ABHD2: variants seen among roughly 807,000 people sequenced by gnomAD.
ABHD2 encodes monoacylglycerol lipase ABHD2.
ABHD2 carries 20 observed loss-of-function variants against 48.1 expected under a neutral mutation model. That is an observed-to-expected ratio of 0.42 (90% CI 0.29 to 0.60). The LOEUF (loss-of-function observed/expected upper bound fraction) is 0.60. ABHD2 is among the 20% of genes least tolerant of loss of function. The pLI is 0.24. For synonymous variants in ABHD2, 209 were observed against 214.2 expected (o/e 0.98, Z 0.21); for missense variants, 405 against 550.9 (o/e 0.74, Z 2.65).
rs1253604711 is a variant in ABHD2 at position 89,114,644 on chromosome 15, G to A, written c.-7+820G>A. Among the ~76,000 whole-genome samples the A allele has an allele frequency of 5.3e-5, 8 of 151,958 alleles. No individual in the cohort carries two copies. The highest frequency in any genetic ancestry group is 9.7e-5 in the African/African-American group (4 of 41,372). ...ATTACAGGCATGTGCCACCACGCCC[G>A]GCAAATTTTTGTATTTTTGGTAGAG... On this transcript the variant is annotated intron_variant, in intron 2 of 10. Coordinates refer to ENST00000352732, the MANE Select transcript of ABHD2 (RefSeq NM_152924.5). This position sits in a 1 kb window ranked among gnomAD's most constrained non-coding sequence, Gnocchi z 4.2.
rs1019374414 is a variant in ABHD2 at position 89,116,118 on chromosome 15, A to C, written c.-6-204A>C. ...CAGTACCCAGTTTATCCATGCTCAGACTGTTTGTGATTTGGATTATGGCCA... is the reference window on the plus strand; with the variant it reads ...CAGTACCCAGTTTATCCATGCTCAGCCTGTTTGTGATTTGGATTATGGCCA... On this transcript the variant is annotated intron_variant, in intron 2 of 10. Transcript: ENST00000352732. The surrounding 1 kb of genome is among the most constrained non-coding windows in gnomAD (Gnocchi z 4.6). Among the ~76,000 whole-genome samples, 6 of 152,174 alleles carry C rather than the reference A, an allele frequency of 3.9e-5. No homozygotes were observed. The highest frequency in any genetic ancestry group is 1.4e-4 in the African/African-American group (6 of 41,436).
At position 89,167,519 on chromosome 15, in the gene ABHD2, A is replaced by G. The variant is rs1458464172; in HGVS notation, c.539-8293A>G. On this transcript the variant is annotated intron_variant, in intron 5 of 10. Coordinates refer to ENST00000352732, the MANE Select transcript of ABHD2 (RefSeq NM_152924.5). The surrounding 1 kb of genome is among the most constrained non-coding windows in gnomAD (Gnocchi z 5.5). ...TATCCAAAGCAGAACAGTGGCCAAG[A>G]GTGGTGAGTTCTGCACTTTCAGGAT... 6.6e-6 allele frequency among the ~76,000 whole-genome samples: 1 copy of G among 152,230 alleles called. No individual in the cohort carries two copies. The highest frequency in any genetic ancestry group is 1.5e-5 in the Non-Finnish European group (1 of 68,044).
In ABHD2 at chr15:89,201,685, G is replaced by T; in HGVS notation, c.*6262G>T. Reference sequence around the variant, plus strand: ...CACACTTTTCTATCCGATGGATTTCGCAATTTAAGATTTGTAGTGACTACA... The same window carrying T: ...CACACTTTTCTATCCGATGGATTTCTCAATTTAAGATTTGTAGTGACTACA... On this transcript the variant is annotated 3_prime_UTR_variant, in exon 11 of 11. Transcript: ENST00000352732. 4.4e-6 allele frequency: 7 copies of T among 1,608,468 alleles called. No individual in the cohort carries two copies. Among genetic ancestry groups the T allele is most frequent in the Non-Finnish European group, 5.1e-6 (6 of 1,174,892 alleles).
At chr15:89,121,532 CAG>C (rs2050051255) in intron 3 of ABHD2, among the ~76,000 whole-genome samples, 1 of 151,706 alleles carries the variant, frequency 6.6e-6, no homozygotes, top group Non-Finnish European at 1.5e-5. Flanking sequence ...GTATATAGCT[CAG>C]GGGCTTTGTG....
At position 89,168,435 on chromosome 15, in the gene ABHD2, G is replaced by GTGTT. The variant is rs569619673; in HGVS notation, c.539-7374_539-7371dup. On this transcript the variant is annotated intron_variant, in intron 5 of 10. Transcript: ENST00000352732. The surrounding 1 kb of genome is among the most constrained non-coding windows in gnomAD (Gnocchi z 4.8). ...CAGGGAGAGGCCCCAGGCACTAAAG[G>GTGTT]TGTTTGGTAACTGACATCAGGGGAG... Among the ~76,000 whole-genome samples, 19 of 152,322 alleles carry GTGTT rather than the reference G, an allele frequency of 1.2e-4. No homozygotes were observed. The East Asian group carries it at 2.7e-3, about 22-fold the overall frequency.
Position 89,088,865 on chromosome 15 carries a change from TG to T in ABHD2, c.-107+305del, listed in dbSNP as rs1901473355. 6.6e-6 allele frequency among the ~76,000 whole-genome samples: 1 copy of T among 152,160 alleles called. No individual in the cohort carries two copies. The highest frequency in any genetic ancestry group is 1.5e-5 in the Non-Finnish European group (1 of 68,018). Reference sequence around the variant, plus strand: ...CCTTTCCCCCATTGGTGCTCACTCCTGGGTCTTCAGGGGCCTGGGGAGGGGT... The same window carrying T: ...CCTTTCCCCCATTGGTGCTCACTCCTGGTCTTCAGGGGCCTGGGGAGGGGT... On this transcript the variant is annotated intron_variant, in intron 1 of 10. Transcript: ENST00000352732. The surrounding 1 kb of genome is among the most constrained non-coding windows in gnomAD (Gnocchi z 6.8).
rs149549561 is a variant in ABHD2 at position 89,201,720 on chromosome 15, G to C, written c.*6297G>C. The C allele has an allele frequency of 1.2e-6, 2 of 1,604,738 alleles. No homozygotes were observed. The highest frequency in any genetic ancestry group is 2.2e-5 in the East Asian group (1 of 44,840). ...ATTTGTAGTGACTACATCTGTGAAG[G>C]GGCCTTTGAATTTGAGGTCTATGGG... is the stretch of plus-strand genomic sequence containing the variant. On this transcript the variant is annotated 3_prime_UTR_variant, in exon 11 of 11. Coordinates refer to ENST00000352732, the MANE Select transcript of ABHD2 (RefSeq NM_152924.5).
the ABHD2 span, among the ~76,000 whole-genome samples, chr15:89,065,344 G>A: frequency 2.6e-5 from 4 of 152,130 alleles, no homozygotes; most frequent in African/African-American, 7.2e-5. Flanking sequence ...TTAATTAAGG[G>A]TGTAGAATAA....
chr15:89,046,447 G>T, the ABHD2 span, among the ~76,000 whole-genome samples: 2 of 151,674 alleles, frequency 1.3e-5, no homozygotes. Flanking sequence ...TTTTTCTATT[G>T]ATTGGAATAG....
chr15:89,195,089 C>G lies in ABHD2; in HGVS notation c.1082-138C>G. On this transcript the variant is annotated intron_variant, in intron 10 of 10. Coordinates refer to ENST00000352732, the MANE Select transcript of ABHD2 (RefSeq NM_152924.5). This position sits in a 1 kb window ranked among gnomAD's most constrained non-coding sequence, Gnocchi z 5.1. ...CCTGCCCCCTCTTTGGTGAACAAGG[C>G]AGAGTGAGTAGAGGTTGGATGCCCA... 1 of 896,498 alleles carries G rather than the reference C, an allele frequency of 1.1e-6. No homozygotes were observed. The highest frequency in any genetic ancestry group is 1.7e-6 in the Non-Finnish European group (1 of 592,598). The allele number at this position is 896,498 out of a possible 1,614,324, so 55.5% of individuals were successfully genotyped here.
intron 7 of ABHD2, among the ~76,000 whole-genome samples, chr15:89,187,213 C>T (rs1567111262): frequency 6.6e-6 from 1 of 152,154 alleles, no homozygotes; most frequent in African/African-American, 2.4e-5. Flanking sequence ...GCTAAAGGAC[C>T]CAGTCTTGCT....
chr15:89,156,278 G>T (rs558633517), intron 5 of ABHD2, among the ~76,000 whole-genome samples: 167 of 151,856 alleles, frequency 1.1e-3, no homozygotes, highest in Non-Finnish European at 2.0e-3. Context: ...CCGCCACCAC[G>T]CCTGGCTAAT....
chr15:89,079,577 G>A, the ABHD2 span, among the ~76,000 whole-genome samples: 1 of 152,192 alleles, frequency 6.6e-6, no homozygotes, highest in South Asian at 2.1e-4. The surrounding 1 kb of genome is among the most constrained non-coding windows in gnomAD (Gnocchi z 4.3). Flanking sequence ...ATGGCAGCAT[G>A]AGGAGCTCCA....
At chr15:89,141,780 C>T (rs567684753) in intron 3 of ABHD2, among the ~76,000 whole-genome samples, 4 of 152,318 alleles carry the variant, frequency 2.6e-5, no homozygotes, top group Admixed American at 6.5e-5. Flanking sequence ...TGGAAGCCCA[C>T]GTTGACCAGC....
At position 89,092,620 on chromosome 15, in the gene ABHD2, A is replaced by G. The variant is rs1028795942; in HGVS notation, c.-107+4057A>G. Among the ~76,000 whole-genome samples, 2 of 152,254 alleles carry G rather than the reference A, an allele frequency of 1.3e-5. No homozygotes were observed. The highest frequency in any genetic ancestry group is 3.8e-4 in the East Asian group (2 of 5,204). On this transcript the variant is annotated intron_variant, in intron 1 of 10. Transcript: ENST00000352732. The surrounding 1 kb of genome is among the most constrained non-coding windows in gnomAD (Gnocchi z 4.4). Reference sequence around the variant, plus strand: ...CTGATCCTCAGAGGCAACCAGTATTAGCGATTTCTTCATCCTCCAGAAGTG... The same window carrying G: ...CTGATCCTCAGAGGCAACCAGTATTGGCGATTTCTTCATCCTCCAGAAGTG...
the ABHD2 span, among the ~76,000 whole-genome samples, chr15:89,066,178 C>A: frequency 6.6e-6 from 1 of 152,198 alleles, no homozygotes; most frequent in Non-Finnish European, 1.5e-5. Context: ...GTACCACAAA[C>A]CTGGGGGCTT....
intron 2 of ABHD2, among the ~76,000 whole-genome samples, chr15:89,115,970 C>G (rs1476445905): frequency 6.6e-6 from 1 of 152,244 alleles, no homozygotes; most frequent in Non-Finnish European, 1.5e-5. Flanking sequence ...ACCCCTAGTC[C>G]TGCAGCCACC....
chr15:89,194,664 C>T (rs922898897), intron 10 of ABHD2, among the ~76,000 whole-genome samples: 6 of 152,152 alleles, frequency 3.9e-5, no homozygotes, highest in Non-Finnish European at 8.8e-5. Context: ...AGAGCCTGGC[C>T]CCCACCACTA....
At chr15:89,112,057 G>A (rs561685418) in intron 1 of ABHD2, among the ~76,000 whole-genome samples, 4 of 152,122 alleles carry the variant, frequency 2.6e-5, no homozygotes, top group South Asian at 2.1e-4. Flanking sequence ...AGATGCTTAC[G>A]GGGACCATTC....
Sources: gnomAD v4.1 joint callset for allele counts (sites outside exome capture counted in the v4.1 genomes callset) on GRCh38, gnomAD v4.1.1 for gene constraint, Gnocchi (gnomAD v3.1) non-coding constraint, MANE v1.5 for transcripts, NCBI Gene and HGNC (gene_info 2026-07-23, HGNC 2026-07-21) for gene names.